Variants in CACNA2D3 observed in about 807,000 individuals in gnomAD.
CACNA2D3 encodes the protein calcium voltage-gated channel auxiliary subunit alpha2delta 3.
A neutral mutation model predicts 160.6 loss-of-function variants in CACNA2D3; 60 were observed. That is an observed-to-expected ratio of 0.37 (90% CI 0.30 to 0.46). The LOEUF is 0.46. CACNA2D3 is among the 20% of genes least tolerant of loss of function. The pLI is 1.00. For missense variants in CACNA2D3, 1,205 were observed against 1,365.0 expected, an observed-to-expected ratio of 0.88 and a Z score of 1.85; for synonymous variants, 558 against 492.9, an observed-to-expected ratio of 1.13 and a Z score of -1.75.
At chr3:54,286,213 C>A (rs1396877978) in intron 2 of CACNA2D3, among the ~76,000 whole-genome samples, 1 of 152,080 alleles carries the variant, frequency 6.6e-6, no homozygotes, top group African/African-American at 2.4e-5. Flanking sequence ...ACTAGAATAA[C>A]CAATGCAGAG....
At chr3:54,649,257 C>T (rs1421323973) in intron 11 of CACNA2D3, among the ~76,000 whole-genome samples, 1 of 152,154 alleles carries the variant, frequency 6.6e-6, no homozygotes, top group African/African-American at 2.4e-5. Flanking sequence ...GCTGCCCAGC[C>T]TTGGCCTGGA....
intron 11 of CACNA2D3, among the ~76,000 whole-genome samples, chr3:54,726,069 G>C (rs1401946867): frequency 6.6e-6 from 1 of 152,092 alleles, no homozygotes; most frequent in African/African-American, 2.4e-5. Flanking sequence ...AAAGTCTCAG[G>C]ATACAAAATC....
chr3:54,773,503 A>C (rs1277763037), intron 13 of CACNA2D3, among the ~76,000 whole-genome samples: 1 of 152,210 alleles, frequency 6.6e-6, no homozygotes, highest in Non-Finnish European at 1.5e-5. Flanking sequence ...TGGGACCTCT[A>C]TTTCATAGCA....
intron 34 of CACNA2D3, among the ~76,000 whole-genome samples, chr3:55,010,921 T>C (rs559554704): frequency 6.6e-6 from 1 of 152,224 alleles, no homozygotes; most frequent in Admixed American, 6.5e-5. Flanking sequence ...GTCTTAAACA[T>C]TGTTCTCTCT....
At chr3:55,042,875 T>C (rs749101512) in intron 35 of CACNA2D3, among the ~76,000 whole-genome samples, 9 of 152,182 alleles carry the variant, frequency 5.9e-5, no homozygotes, top group Non-Finnish European at 1.0e-4. Context: ...GAATGTCATA[T>C]AAGTAGAATC....
intron 27 of CACNA2D3, among the ~76,000 whole-genome samples, chr3:54,965,330 C>A (rs1198468233): frequency 6.6e-6 from 1 of 152,192 alleles, no homozygotes; most frequent in African/African-American, 2.4e-5. Flanking sequence ...CCATTCTTCT[C>A]AAGCCTCCAA....
At chr3:54,697,317 C>G (rs770552182) in intron 11 of CACNA2D3, among the ~76,000 whole-genome samples, 15 of 152,126 alleles carry the variant, frequency 9.9e-5, no homozygotes, top group Non-Finnish European at 8.8e-5. Flanking sequence ...GGCTCTGTTT[C>G]TGAAGTTTCT....
chr3:54,427,688 A>C (rs1699929569), intron 4 of CACNA2D3, among the ~76,000 whole-genome samples: 1 of 152,242 alleles, frequency 6.6e-6, no homozygotes, highest in African/African-American at 2.4e-5. Context: ...TCTAGTAAGC[A>C]TAACTCCAGG....
intron 2 of CACNA2D3, among the ~76,000 whole-genome samples, chr3:54,166,378 G>A (rs975434523): frequency 6.6e-6 from 1 of 152,166 alleles, no homozygotes; most frequent in Non-Finnish European, 1.5e-5. Context: ...CTTACTGCAA[G>A]TTATTAGCTG....
chr3:54,207,218 G>T (rs1432605121), intron 2 of CACNA2D3, among the ~76,000 whole-genome samples: 5 of 140,864 alleles, frequency 3.5e-5, no homozygotes, highest in African/African-American at 1.4e-4. Context: ...AGTGCTAATT[G>T]TATGCATGGC....
chr3:54,123,573 C>G lies in CACNA2D3; in HGVS notation c.183C>G (p.Ser61=). ...GEIKSIAAKY[S]GSQLLQKKYK... ...TAAAATCCATTGCTGCTAAGTACTC[C>G]GGTTCCCAGCTTCTGCAAAAGGTAA... The change falls in exon 2 of 38, where the codon TCC becomes TCG. Residue 61 remains serine (S), a synonymous_variant. Coordinates refer to ENST00000474759, the MANE Select transcript of CACNA2D3 (RefSeq NM_018398.3). 1.2e-6 allele frequency: 2 copies of G among 1,613,720 alleles called. No homozygotes were observed. Among genetic ancestry groups the G allele is most frequent in the South Asian group, 2.2e-5 (2 of 91,070 alleles).
chr3:54,379,825 C>G (rs1352951191), intron 3 of CACNA2D3, among the ~76,000 whole-genome samples: 1 of 152,222 alleles, frequency 6.6e-6, no homozygotes, highest in Non-Finnish European at 1.5e-5. Flanking sequence ...GGCTTCCTGA[C>G]AGCATTCTTT....
chr3:54,696,923 G>T (rs544069612), intron 11 of CACNA2D3, among the ~76,000 whole-genome samples: 1 of 152,098 alleles, frequency 6.6e-6, no homozygotes, highest in Non-Finnish European at 1.5e-5. Context: ...TTTTGATCCT[G>T]TTGTTTGTTT....
chr3:54,300,852 C>A (rs921135917), intron 2 of CACNA2D3, among the ~76,000 whole-genome samples: 7 of 151,856 alleles, frequency 4.6e-5, no homozygotes, highest in African/African-American at 1.7e-4. Context: ...CCATTTCTAC[C>A]AAAAATTTGT....
intron 2 of CACNA2D3, among the ~76,000 whole-genome samples, chr3:54,293,665 C>T (rs977544537): frequency 5.3e-5 from 8 of 152,040 alleles, no homozygotes; most frequent in Admixed American, 2.0e-4. Flanking sequence ...AGATGAATCG[C>T]GAATGCATCA....
At chr3:54,280,616 C>T (rs1559906721) in intron 2 of CACNA2D3, among the ~76,000 whole-genome samples, 1 of 152,030 alleles carries the variant, frequency 6.6e-6, no homozygotes, top group Non-Finnish European at 1.5e-5. Context: ...GACTTGATTC[C>T]CCGCCACAGT....
intron 3 of CACNA2D3, among the ~76,000 whole-genome samples, chr3:54,337,678 C>T (rs900475113): frequency 2.0e-5 from 3 of 152,130 alleles, no homozygotes; most frequent in African/African-American, 7.2e-5. Flanking sequence ...CATGTCTTTT[C>T]GCTTCCTTTC....
rs1226804371 is a variant in CACNA2D3 at position 54,392,165 on chromosome 3, G to T, written c.381+5391G>T. Among the ~76,000 whole-genome samples the T allele has an allele frequency of 3.3e-5, 5 of 152,278 alleles. No individual in the cohort carries two copies. In the East Asian group the frequency reaches 7.7e-4, roughly 24 times the overall value. On this transcript the variant is annotated intron_variant, in intron 4 of 37. Coordinates refer to ENST00000474759, the MANE Select transcript of CACNA2D3 (RefSeq NM_018398.3). ...GCAAAACCCAATTCCAGGTGGAGAA[G>T]CAGGAGACCCTAGCTTTGAATACCT...
At chr3:54,655,402 C>A (rs1234172498) in intron 11 of CACNA2D3, among the ~76,000 whole-genome samples, 1 of 152,238 alleles carries the variant, frequency 6.6e-6, no homozygotes, top group Non-Finnish European at 1.5e-5. Context: ...ATGGCTATAT[C>A]ATTATCATCG....
Sources: gnomAD v4.1 joint callset for allele counts (sites outside exome capture counted in the v4.1 genomes callset) on GRCh38, gnomAD v4.1.1 for gene constraint, MANE v1.5 for transcripts, NCBI Gene and HGNC (gene_info 2026-07-23, HGNC 2026-07-21) for gene names.